Variants in FTO observed in about 807,000 individuals in gnomAD.
FTO encodes alpha-ketoglutarate-dependent dioxygenase FTO.
In FTO, 47 loss-of-function variants were observed where a neutral mutation model predicts 63.9. The ratio of observed to expected loss-of-function variants is 0.74; its 90% CI spans 0.58 to 0.94. The LOEUF is 0.94. Ranked by LOEUF, FTO falls within the 40% of genes least tolerant of loss-of-function variation. FTO has a pLI of 0.00. For missense variants in FTO, 562 were observed against 618.1 expected (o/e 0.91, Z 0.96); for synonymous variants, 207 against 224.4 (o/e 0.92, Z 0.69).
intron 4 of FTO, among the ~76,000 whole-genome samples, chr16:53,847,476 C>G (rs573564940): frequency 5.3e-5 from 8 of 152,208 alleles, no homozygotes; most frequent in African/African-American, 1.9e-4. Context: ...GGTTTAAGAA[C>G]TGGATTATAG....
chr16:54,110,116 A>G (rs1490562743), intron 8 of FTO, among the ~76,000 whole-genome samples: 1 of 152,180 alleles, frequency 6.6e-6, no homozygotes, highest in Non-Finnish European at 1.5e-5. Context: ...TGTCTCTACA[A>G]CTACAGAGAT....
chr16:54,017,274 A>G (rs1471242528), intron 8 of FTO, among the ~76,000 whole-genome samples: 2 of 152,216 alleles, frequency 1.3e-5, no homozygotes, highest in Non-Finnish European at 2.9e-5. Flanking sequence ...AGAAATGTAG[A>G]TTGAACCAAT....
At chr16:53,880,852 C>T (rs1317489961) in intron 6 of FTO, among the ~76,000 whole-genome samples, 2 of 150,148 alleles carry the variant, frequency 1.3e-5, no homozygotes, top group Non-Finnish European at 2.9e-5. Flanking sequence ...GCCTATAATC[C>T]CAGCACTTTG....
intron 3 of FTO, among the ~76,000 whole-genome samples, chr16:53,838,130 T>C (rs1344501): frequency 0.27 from 40,492 of 152,052 alleles, 5,827 homozygotes; most frequent in African/African-American, 0.37. Flanking sequence ...ATCCCAGACA[T>C]GGGAATGTCG....
rs1314167304 is a variant in FTO at position 54,117,694 on chromosome 16, T to C, written c.*5779T>C. The C allele has an allele frequency of 6.6e-5, 10 of 152,206 alleles. No individual in the cohort carries two copies. The highest frequency in any genetic ancestry group is 2.1e-4 in the South Asian group (1 of 4,828). The allele number at this position is 152,206 out of a possible 1,614,324, so 9.4% of individuals were successfully genotyped here. Reference sequence around the variant, plus strand: ...GGAACTTTTTATAAATGAGATATTATGAAAAATGATGTTTTAGGACTCTCA... The same window carrying C: ...GGAACTTTTTATAAATGAGATATTACGAAAAATGATGTTTTAGGACTCTCA... On this transcript the variant is annotated 3_prime_UTR_variant, in exon 9 of 9. Transcript: ENST00000471389.
At chr16:53,937,631 G>T (rs8048879) in intron 8 of FTO, 2 of 176,088 alleles carry the variant, frequency 1.1e-5, no homozygotes, top group Non-Finnish European at 2.4e-5. Context: ...GGGGCCCGGC[G>T]TATTAGGTTT....
intron 7 of FTO, among the ~76,000 whole-genome samples, chr16:53,909,068 A>T (rs2081613290): frequency 6.6e-6 from 1 of 152,068 alleles, no homozygotes; most frequent in African/African-American, 2.4e-5. Flanking sequence ...TGCTTTTCCT[A>T]GCAGGCCTGG....
At chr16:53,972,958 C>T (rs1363423651) in intron 8 of FTO, among the ~76,000 whole-genome samples, 1 of 152,152 alleles carries the variant, frequency 6.6e-6, no homozygotes, top group East Asian at 1.9e-4. Flanking sequence ...AAGGAACATG[C>T]CTTATTTCTG....
intron 8 of FTO, among the ~76,000 whole-genome samples, chr16:54,103,926 A>G (rs1476846152): frequency 2.0e-5 from 3 of 152,200 alleles, no homozygotes; most frequent in African/African-American, 4.8e-5. Context: ...GTCCTCTTCC[A>G]TGAGGTTAGA....
At position 53,887,315 on chromosome 16, in the gene FTO, A is replaced by G. The variant is rs970623135; in HGVS notation, c.1120-1517A>G. On this transcript the variant is annotated intron_variant, in intron 6 of 8. Transcript: ENST00000471389. ...TCTGATAGTCTTGAGACTCATTCTG[A>G]TGGGACATATTCCTATTCCTCTCAA... is the stretch of plus-strand genomic sequence containing the variant. 8.5e-5 allele frequency among the ~76,000 whole-genome samples: 13 copies of G among 152,156 alleles called. No homozygotes were observed. In the East Asian group the frequency reaches 2.3e-3, roughly 27 times the overall value.
chr16:54,061,867 G>A (rs1460665120), intron 8 of FTO: 1 of 152,194 alleles, frequency 6.6e-6, no homozygotes, highest in African/African-American at 2.4e-5. Flanking sequence ...GCATTAGAAG[G>A]TCACTTTGGG....
At position 53,958,076 on chromosome 16, in the gene FTO, G is replaced by T. The variant is rs572999847; in HGVS notation, c.1364+23967G>T. ...AAATAACAGGTCACATTTACTATTT[G>T]TTATGGTCCTGGCACTTGTCTAAAA... is the stretch of plus-strand genomic sequence containing the variant. On this transcript the variant is annotated intron_variant, in intron 8 of 8. Transcript: ENST00000471389. 1.2e-4 allele frequency among the ~76,000 whole-genome samples: 18 copies of T among 152,310 alleles called. No homozygotes were observed. In the East Asian group the frequency reaches 2.7e-3, roughly 23 times the overall value.
intron 7 of FTO, among the ~76,000 whole-genome samples, chr16:53,925,355 A>G (rs776297738): frequency 1.8e-4 from 27 of 152,172 alleles, no homozygotes; most frequent in Non-Finnish European, 3.7e-4. Flanking sequence ...CCGTAATGAC[A>G]GTATTACTTC....
chr16:53,912,520 G>C lies in FTO; in HGVS notation c.1240-21465G>C, dbSNP rs1017312165. Among the ~76,000 whole-genome samples, 21 of 152,220 alleles carry C rather than the reference G, an allele frequency of 1.4e-4. 1 individual carries two copies. Among genetic ancestry groups the C allele is most frequent in the Non-Finnish European group, 8.8e-5 (6 of 68,044 alleles). ...TTTCTATTAAGCTTGTGTATTTAGAGAGGAGTGTGGGGAAATTCTTTCTTG... is the reference window on the plus strand; with the variant it reads ...TTTCTATTAAGCTTGTGTATTTAGACAGGAGTGTGGGGAAATTCTTTCTTG... On this transcript the variant is annotated intron_variant, in intron 7 of 8. Coordinates refer to ENST00000471389, the MANE Select transcript of FTO (RefSeq NM_001080432.3).
chr16:53,990,022 T>C (rs1208659563), intron 8 of FTO, among the ~76,000 whole-genome samples: 1 of 149,662 alleles, frequency 6.7e-6, no homozygotes. Context: ...TGTGTACATA[T>C]AAAAAATATA....
chr16:53,937,329 A>C (rs2082412909), intron 8 of FTO: 1 of 398,500 alleles, frequency 2.5e-6, no homozygotes, highest in Non-Finnish European at 4.4e-6. Flanking sequence ...GAATTTCTGA[A>C]GATTCGCCTT....
At chr16:53,794,269 TCA>T (rs1298773666) in intron 1 of FTO, among the ~76,000 whole-genome samples, 1 of 152,202 alleles carries the variant, frequency 6.6e-6, no homozygotes, top group Non-Finnish European at 1.5e-5. Flanking sequence ...TACTGTAAGC[TCA>T]CAGTTTGTAC....
At chr16:53,943,976 C>A (rs1395537247) in intron 8 of FTO, among the ~76,000 whole-genome samples, 1 of 152,164 alleles carries the variant, frequency 6.6e-6, no homozygotes. Context: ...TAAATTCAGG[C>A]CACATTATAT....
At chr16:54,031,268 C>T (rs892668491) in intron 8 of FTO, among the ~76,000 whole-genome samples, 18 of 152,188 alleles carry the variant, frequency 1.2e-4, no homozygotes, top group East Asian at 1.9e-4. Context: ...TACAGCCCAA[C>T]GGATACTTCT....
Sources: gnomAD v4.1 joint callset for allele counts (sites outside exome capture counted in the v4.1 genomes callset) on GRCh38, gnomAD v4.1.1 for gene constraint, MANE v1.5 for transcripts, NCBI Gene and HGNC (gene_info 2026-07-23, HGNC 2026-07-21) for gene names.